Variants in LRRC28 observed in about 807,000 individuals in gnomAD.
LRRC28 encodes leucine rich repeat containing 28, also known as leucine-rich repeat-containing protein 28.
In LRRC28, 39 loss-of-function variants were observed where a neutral mutation model predicts 45.7. That is an observed-to-expected ratio of 0.85 (90% CI 0.66 to 1.12). The LOEUF is 1.12. Among genes scored for constraint, LRRC28 ranks in the 50% most tolerant of loss-of-function variants. The pLI, the probability that LRRC28 is intolerant of heterozygous loss-of-function variation, is 0.00. For synonymous variants in LRRC28, 206 were observed against 178.8 expected, an observed-to-expected ratio of 1.15 and a Z score of -1.22; for missense variants, 435 against 438.5, an observed-to-expected ratio of 0.99 and a Z score of 0.07.
At chr15:99,285,368 G>A in intron 3 of LRRC28, 2 of 742,356 alleles carry the variant, frequency 2.7e-6, no homozygotes, top group South Asian at 2.7e-5. Flanking sequence ...TGCATTCATG[G>A]CTGCATCCAC....
In LRRC28 at chr15:99,255,918, G is replaced by A; in HGVS notation, c.-40G>A. 6.4e-7 allele frequency: 1 copy of A among 1,560,054 alleles called. No homozygotes were observed. The highest frequency in any genetic ancestry group is 1.2e-5 in the South Asian group (1 of 82,260). ...TATAGAAATGGACCAATTTTGACAA[G>A]ATATAGTGCTGCAGCGTGCCTGATG... is the stretch of plus-strand genomic sequence containing the variant. On this transcript the variant is annotated 5_prime_UTR_variant, in exon 2 of 10. Coordinates refer to ENST00000301981, the MANE Select transcript of LRRC28 (RefSeq NM_144598.5).
intron 5 of LRRC28, among the ~76,000 whole-genome samples, chr15:99,313,123 G>A (rs748858965): frequency 5.3e-5 from 8 of 152,042 alleles, no homozygotes; most frequent in Non-Finnish European, 1.0e-4. Context: ...GGAAATAATA[G>A]CTGTAGTAGC....
chr15:99,295,952 G>T (rs2082250913), intron 5 of LRRC28, among the ~76,000 whole-genome samples: 1 of 152,150 alleles, frequency 6.6e-6, no homozygotes, highest in Admixed American at 6.5e-5. Flanking sequence ...CCTTTCTTAG[G>T]TCTGTCCCAT....
At chr15:99,385,238 G>GGCAA (rs1957947327) in intron 9 of LRRC28, among the ~76,000 whole-genome samples, 1 of 152,220 alleles carries the variant, frequency 6.6e-6, no homozygotes, top group Admixed American at 6.5e-5. Flanking sequence ...CCAGAAGCTA[G>GGCAA]AGTTGAGGCA....
chr15:99,284,066 C>T (rs2081888933), intron 3 of LRRC28, among the ~76,000 whole-genome samples: 1 of 152,206 alleles, frequency 6.6e-6, no homozygotes, highest in Non-Finnish European at 1.5e-5. Context: ...GAGAGCAGTT[C>T]AGTGATTTCT....
intron 5 of LRRC28, among the ~76,000 whole-genome samples, chr15:99,314,286 G>T (rs1218938222): frequency 6.6e-6 from 1 of 151,872 alleles, no homozygotes; most frequent in Non-Finnish European, 1.5e-5. Context: ...CTCCATAAAA[G>T]ATTAGCAAGG....
intron 9 of LRRC28, among the ~76,000 whole-genome samples, chr15:99,378,744 C>T (rs1957722827): frequency 6.6e-6 from 1 of 152,132 alleles, no homozygotes; most frequent in African/African-American, 2.4e-5. Context: ...GAGTTTTTAG[C>T]ATGAAGGGCT....
intron 5 of LRRC28, among the ~76,000 whole-genome samples, chr15:99,317,149 G>A (rs772982012): frequency 7.9e-5 from 12 of 151,950 alleles, no homozygotes; most frequent in African/African-American, 1.2e-4. Context: ...TTTTCATTTC[G>A]TTTCCCTTGA....
At chr15:99,385,121 C>G (rs1296152857) in intron 9 of LRRC28, among the ~76,000 whole-genome samples, 2 of 152,046 alleles carry the variant, frequency 1.3e-5, no homozygotes, top group African/African-American at 4.8e-5. Flanking sequence ...GATAGGAGCT[C>G]CAGTCCCAGA....
At chr15:99,329,904 C>G (rs1228590982) in intron 5 of LRRC28, among the ~76,000 whole-genome samples, 3 of 152,112 alleles carry the variant, frequency 2.0e-5, no homozygotes, top group African/African-American at 7.2e-5. Flanking sequence ...TATGGTTTTT[C>G]TGCTTGTAAC....
chr15:99,255,365 A>G (rs1186487772), intron 1 of LRRC28, among the ~76,000 whole-genome samples: 2 of 152,104 alleles, frequency 1.3e-5, no homozygotes, highest in African/African-American at 4.8e-5. Context: ...TCTAAAAAAA[A>G]ATAAGAAGAA....
At chr15:99,322,991 A>AT (rs1352621250) in intron 5 of LRRC28, among the ~76,000 whole-genome samples, 3 of 152,216 alleles carry the variant, frequency 2.0e-5, no homozygotes, top group Admixed American at 2.0e-4. Context: ...TCTGTATTTA[A>AT]TTTCTGTTCT....
At position 99,386,018 on chromosome 15, in the gene LRRC28, T is replaced by C; in HGVS notation, c.1032-12T>C. The C allele has an allele frequency of 6.2e-7, 1 of 1,613,226 alleles. No individual in the cohort carries two copies. Among genetic ancestry groups the C allele is most frequent in the South Asian group, 1.1e-5 (1 of 91,058 alleles). ...ACTCACAGCGTTCTTCTCTCCCTTT[T>C]TCCCCTTCCAGGAAGACAACTGTTA... On this transcript the variant is annotated splice_polypyrimidine_tract_variant and intron_variant, in intron 9 of 9. Transcript: ENST00000301981.
chr15:99,256,299 G>C, intron 2 of LRRC28, 174 bp downstream of exon 2: 1 of 492,886 alleles, frequency 2.0e-6, no homozygotes, highest in Non-Finnish European at 3.4e-6. Flanking sequence ...TGTTATCCAA[G>C]TTCGTGCAGT....
chr15:99,378,618 A>G (rs1957718338), intron 9 of LRRC28, among the ~76,000 whole-genome samples: 1 of 152,174 alleles, frequency 6.6e-6, no homozygotes, highest in South Asian at 2.1e-4. Flanking sequence ...GTCTTGTGCC[A>G]GTTTTCAAAG....
intron 7 of LRRC28, among the ~76,000 whole-genome samples, chr15:99,355,982 G>GC (rs1194083759): frequency 1.3e-5 from 2 of 152,330 alleles, no homozygotes; most frequent in African/African-American, 4.8e-5. Flanking sequence ...CTTCAGTGGA[G>GC]CAGGACCAAA....
At chr15:99,299,851 G>C (rs114157152) in intron 5 of LRRC28, among the ~76,000 whole-genome samples, 2 of 152,110 alleles carry the variant, frequency 1.3e-5, no homozygotes, top group African/African-American at 4.8e-5. Context: ...TTTTTTGTAG[G>C]TAGTAGGAAA....
chr15:99,276,265 C>A (rs7176859), intron 2 of LRRC28, among the ~76,000 whole-genome samples: 14,555 of 151,090 alleles, frequency 0.096, 986 homozygotes, highest in East Asian at 0.33. Context: ...AAATGTAATG[C>A]GCTTGAATCA....
At chr15:99,375,152 C>T (rs942860038) in intron 9 of LRRC28, among the ~76,000 whole-genome samples, 3 of 152,028 alleles carry the variant, frequency 2.0e-5, no homozygotes, top group African/African-American at 7.3e-5. Flanking sequence ...GGAAGATTTC[C>T]TCTCTATGTA....
Sources: gnomAD v4.1 joint callset for allele counts (sites outside exome capture counted in the v4.1 genomes callset) on GRCh38, gnomAD v4.1.1 for gene constraint, MANE v1.5 for transcripts, NCBI Gene and HGNC (gene_info 2026-07-23, HGNC 2026-07-21) for gene names.